Variants in VRK2 observed in about 807,000 individuals in gnomAD.
VRK2 encodes VRK serine/threonine kinase 2, also known as serine/threonine-protein kinase VRK2.
A neutral mutation model predicts 57.6 loss-of-function variants in VRK2; 60 were observed. That is an observed-to-expected ratio of 1.04 (90% confidence interval 0.85 to 1.29). The LOEUF (loss-of-function observed/expected upper bound fraction) is 1.29, where lower values mean the gene tolerates loss of function less well. Ranked by LOEUF, VRK2 falls within the 50% of genes most tolerant of loss-of-function variation. The pLI is 0.00. For synonymous variants in VRK2, 231 were observed against 199.2 expected (o/e 1.16, Z -1.35); for missense variants, 705 against 588.1 (o/e 1.20, Z -2.06).
intron 1 of VRK2, among the ~76,000 whole-genome samples, chr2:57,928,788 C>T (rs746994684): frequency 6.6e-6 from 1 of 152,212 alleles, no homozygotes; most frequent in Non-Finnish European, 1.5e-5. Flanking sequence ...CCCAGTAATG[C>T]TGTGGTTCTT....
intron 2 of VRK2, among the ~76,000 whole-genome samples, chr2:58,028,899 AATAAATATATATATATAT>A (rs1380095778): frequency 0.017 from 1,363 of 80,878 alleles, 48 homozygotes; most frequent in African/African-American, 0.058. Flanking sequence ...TAAATAAATA[AATAAATATATATATATAT>A]ATATATATAT....
At chr2:58,035,682 G>A (rs1320803367) in intron 3 of VRK2, among the ~76,000 whole-genome samples, 1 of 151,864 alleles carries the variant, frequency 6.6e-6, no homozygotes, top group African/African-American at 2.4e-5. Context: ...TTACTTCTAG[G>A]GCAGAAGATT....
At chr2:58,020,874 C>G (rs547465422) in intron 1 of VRK2, among the ~76,000 whole-genome samples, 3 of 152,332 alleles carry the variant, frequency 2.0e-5, no homozygotes, top group Non-Finnish European at 4.4e-5. Context: ...TAGTATAGCA[C>G]ATGTTCTTAA....
intron 1 of VRK2, among the ~76,000 whole-genome samples, chr2:57,910,426 A>T (rs1444990252): frequency 6.6e-6 from 1 of 152,170 alleles, no homozygotes; most frequent in Non-Finnish European, 1.5e-5. Flanking sequence ...ACACTTTCAT[A>T]CCCCAGTCTC....
rs199961577 is a variant in VRK2 at position 58,115,427 on chromosome 2, C to A, written c.544-7674C>A. ...GGAAGAAAATAGATTTTGGAAGTTA[C>A]GAGAAATGTAGAGAGTGAGTTGAGC... On this transcript the variant is annotated intron_variant, in intron 7 of 12. Transcript: ENST00000340157. Among the ~76,000 whole-genome samples the A allele has an allele frequency of 2.0e-5, 3 of 148,506 alleles. No homozygotes were observed. In the East Asian group the frequency reaches 5.8e-4, roughly 29 times the overall value.
chr2:57,991,838 G>A, intron 1 of VRK2, among the ~76,000 whole-genome samples: 1 of 151,126 alleles, frequency 6.6e-6, no homozygotes, highest in East Asian at 1.9e-4. Context: ...CACTCCTGTA[G>A]TGCCAGCTAC....
intron 2 of VRK2, among the ~76,000 whole-genome samples, chr2:58,030,429 T>A (rs1304127513): frequency 6.6e-6 from 1 of 152,072 alleles, no homozygotes; most frequent in Non-Finnish European, 1.5e-5. Context: ...AGACTTTAAT[T>A]CCTTCTCTTT....
Position 58,146,444 on chromosome 2 carries a change from G to T in VRK2, c.1152G>T (p.Leu384=). The part of the protein sequence containing the change: ...ATWKVQKEEK[L]IGLMNNEAAQ... ...GGAAAGTGCAGAAAGAGGAGAAACTGATTGGATTGATGAACAATGAAGCAG... is the reference window on the plus strand; with the variant it reads ...GGAAAGTGCAGAAAGAGGAGAAACTTATTGGATTGATGAACAATGAAGCAG... The change falls in exon 12 of 13, where the codon CTG becomes CTT. Residue 384 remains leucine (L), a synonymous_variant. Coordinates refer to ENST00000340157, the MANE Select transcript of VRK2 (RefSeq NM_006296.7). 6.2e-7 allele frequency: 1 copy of T among 1,610,980 alleles called. No individual in the cohort carries two copies. Among genetic ancestry groups the T allele is most frequent in the South Asian group, 1.1e-5 (1 of 90,848 alleles).
chr2:58,136,831 TATATC>T (rs1322716006), intron 10 of VRK2, among the ~76,000 whole-genome samples: 2 of 140,470 alleles, frequency 1.4e-5, no homozygotes, highest in Middle Eastern at 3.7e-3. Context: ...TGTGTGTATA[TATATC>T]ATATATATTA....
chr2:58,119,582 C>T (rs1357686966), intron 7 of VRK2, among the ~76,000 whole-genome samples: 13 of 151,008 alleles, frequency 8.6e-5, no homozygotes, highest in South Asian at 2.1e-4. Flanking sequence ...TTTGATTACT[C>T]GGGACAGATT....
intron 1 of VRK2, among the ~76,000 whole-genome samples, chr2:57,972,568 G>A (rs974725515): frequency 2.6e-5 from 4 of 151,830 alleles, no homozygotes; most frequent in Non-Finnish European, 4.4e-5. Context: ...TTAGTTTCTG[G>A]GAGATTACGC....
chr2:58,047,695 A>G (rs1009391581), intron 1 of VRK2, among the ~76,000 whole-genome samples: 10 of 152,144 alleles, frequency 6.6e-5, no homozygotes, highest in African/African-American at 2.2e-4. Context: ...TTATGATACA[A>G]TCAATGCTCT....
intron 1 of VRK2, among the ~76,000 whole-genome samples, chr2:57,923,593 T>C (rs752969433): frequency 6.6e-6 from 1 of 151,966 alleles, no homozygotes; most frequent in African/African-American, 2.4e-5. Flanking sequence ...ATTTTTTCCA[T>C]AAAGTTGTTT....
At chr2:57,948,223 G>C (rs918357415) in intron 1 of VRK2, among the ~76,000 whole-genome samples, 1 of 152,142 alleles carries the variant, frequency 6.6e-6, no homozygotes, top group African/African-American at 2.4e-5. Flanking sequence ...TATTATGTAA[G>C]TAAAGATCCA....
rs183741029 is a variant in VRK2, at chr2:58,131,702, T to G, written c.677-106T>G. ...AGCTGAACAAATAAAACATTTTGCCTATTTGGCTTTTTCATATTTCATCAG... is the reference window on the plus strand; with the variant it reads ...AGCTGAACAAATAAAACATTTTGCCGATTTGGCTTTTTCATATTTCATCAG... On this transcript the variant is annotated intron_variant, in intron 8 of 12. Coordinates refer to ENST00000340157, the MANE Select transcript of VRK2 (RefSeq NM_006296.7). 136 of 1,318,862 alleles carry G rather than the reference T, an allele frequency of 1.0e-4. No homozygotes were observed. The African/African-American group carries it at 1.7e-3, about 16-fold the overall frequency. The allele number at this position is 1,318,862 out of a possible 1,614,324, so 81.7% of individuals were successfully genotyped here. A position where few individuals can be genotyped will look rare whatever the true frequency, so the allele number is the denominator to read the frequency against.
At chr2:57,926,728 T>C (rs943615142) in intron 1 of VRK2, among the ~76,000 whole-genome samples, 1 of 151,920 alleles carries the variant, frequency 6.6e-6, no homozygotes, top group Non-Finnish European at 1.5e-5. Context: ...TTAGTCTTTT[T>C]TTCATCTTTT....
intron 2 of VRK2, among the ~76,000 whole-genome samples, chr2:58,079,185 C>G (rs1017550006): frequency 6.6e-6 from 1 of 152,054 alleles, no homozygotes; most frequent in Non-Finnish European, 1.5e-5. Flanking sequence ...TGATATTTTG[C>G]TTCTCCCAGT....
chr2:58,151,864 G>A (rs1332274298), intron 12 of VRK2, among the ~76,000 whole-genome samples: 1 of 143,780 alleles, frequency 7.0e-6, no homozygotes, highest in African/African-American at 2.6e-5. Flanking sequence ...TTGGAACATA[G>A]CCATACTCAT....
chr2:57,967,052 T>A (rs1295275817), intron 1 of VRK2, among the ~76,000 whole-genome samples: 1 of 152,110 alleles, frequency 6.6e-6, no homozygotes, highest in Non-Finnish European at 1.5e-5. Flanking sequence ...TTTTTACATA[T>A]TCATCCTAGA....
Sources: gnomAD v4.1 joint callset for allele counts (sites outside exome capture counted in the v4.1 genomes callset) on GRCh38, gnomAD v4.1.1 for gene constraint, MANE v1.5 for transcripts, NCBI Gene and HGNC (gene_info 2026-07-23, HGNC 2026-07-21) for gene names.